Variants in LDAH observed in about 807,000 individuals in gnomAD.
LDAH encodes lipid droplet-associated hydrolase.
Under a neutral mutation model 29.6 loss-of-function variants are expected in LDAH, and 26 were observed. The ratio of observed to expected loss-of-function variants is 0.88; its 90% CI spans 0.64 to 1.22. The LOEUF is 1.22. LDAH is among the 50% of genes most tolerant of loss of function. The pLI, the probability that LDAH is intolerant of heterozygous loss-of-function variation, is 0.00. For missense variants in LDAH, 344 were observed against 387.3 expected, an observed-to-expected ratio of 0.89 and a Z score of 0.94; for synonymous variants, 117 against 133.0, an observed-to-expected ratio of 0.88 and a Z score of 0.83.
At chr2:20,709,901 C>G (rs550502746) in intron 5 of LDAH, among the ~76,000 whole-genome samples, 24 of 152,096 alleles carry the variant, frequency 1.6e-4, no homozygotes, top group Non-Finnish European at 3.4e-4. Flanking sequence ...AAGTCACACT[C>G]CAAGATATCA....
intron 5 of LDAH, among the ~76,000 whole-genome samples, chr2:20,707,622 G>A (rs993940715): frequency 6.6e-6 from 1 of 152,218 alleles, no homozygotes; most frequent in Admixed American, 6.5e-5. Context: ...CTGAATTTCA[G>A]CTAGGTGCAG....
chr2:20,690,249 G>C (rs950287848), intron 6 of LDAH, among the ~76,000 whole-genome samples: 1 of 152,148 alleles, frequency 6.6e-6, no homozygotes, highest in Non-Finnish European at 1.5e-5. Flanking sequence ...AAGTAATTAT[G>C]GGGCACACAC....
intron 1 of LDAH, among the ~76,000 whole-genome samples, chr2:20,805,880 T>C (rs879496768): frequency 9.5e-5 from 14 of 146,706 alleles, no homozygotes; most frequent in Admixed American, 4.6e-4. Context: ...TTAGTATACA[T>C]TAAGTGATTC....
chr2:20,755,956 T>G (rs1057277227), intron 4 of LDAH, among the ~76,000 whole-genome samples: 1 of 152,066 alleles, frequency 6.6e-6, no homozygotes, highest in African/African-American at 2.4e-5. Context: ...CTGTCCAAAT[T>G]ACCCTGTAGT....
intron 4 of LDAH, among the ~76,000 whole-genome samples, chr2:20,741,910 A>G (rs1006790252): frequency 6.6e-6 from 1 of 152,204 alleles, no homozygotes; most frequent in Non-Finnish European, 1.5e-5. Context: ...GCTATTGTGA[A>G]GGGTGTTTCA....
chr2:20,792,028 C>T (rs1318629753), intron 2 of LDAH, among the ~76,000 whole-genome samples: 1 of 151,866 alleles, frequency 6.6e-6, no homozygotes, highest in East Asian at 1.9e-4. Context: ...AATCCCTTCC[C>T]TTTTTCTTTT....
intron 5 of LDAH, among the ~76,000 whole-genome samples, chr2:20,736,699 A>G (rs1043477121): frequency 1.5e-4 from 23 of 152,258 alleles, no homozygotes; most frequent in African/African-American, 4.8e-4. Flanking sequence ...CTGTACCATG[A>G]AGGATGATTC....
intron 5 of LDAH, among the ~76,000 whole-genome samples, chr2:20,712,069 C>T (rs968435360): frequency 6.6e-6 from 1 of 152,232 alleles, no homozygotes; most frequent in East Asian, 1.9e-4. Flanking sequence ...TGAGAACGGA[C>T]AGACTGCCTC....
intron 1 of LDAH, among the ~76,000 whole-genome samples, chr2:20,806,172 A>G (rs1452348930): frequency 3.9e-5 from 6 of 152,222 alleles, no homozygotes; most frequent in Non-Finnish European, 5.9e-5. Context: ...AAAAGAGGTA[A>G]TAAGATGGTT....
At chr2:20,809,430 C>T (rs1044576798) in intron 1 of LDAH, among the ~76,000 whole-genome samples, 4 of 151,866 alleles carry the variant, frequency 2.6e-5, no homozygotes, top group Non-Finnish European at 4.4e-5. Flanking sequence ...AAATTCCATC[C>T]TCCATTAGAA....
rs184097586 is a variant in LDAH at position 20,713,845 on chromosome 2, T to C, written c.704-12193A>G. On this transcript the variant is annotated intron_variant, in intron 5 of 6. Coordinates refer to ENST00000237822, the MANE Select transcript of LDAH (RefSeq NM_021925.4). ...AGAAGAGCTAACTATCCTAAATATA[T>C]ATGCAACCAATACAGGAGCACCTAG... Among the ~76,000 whole-genome samples the C allele has an allele frequency of 2.3e-3, 348 of 152,258 alleles. 2 individuals carry two copies. The highest frequency in any genetic ancestry group is 6.7e-3 in the African/African-American group (278 of 41,528).
intron 1 of LDAH, among the ~76,000 whole-genome samples, chr2:20,815,930 A>G (rs1327306903): frequency 6.6e-6 from 1 of 152,146 alleles, no homozygotes; most frequent in Non-Finnish European, 1.5e-5. Context: ...AGTAAACGTT[A>G]TAACAACATT....
intron 1 of LDAH, among the ~76,000 whole-genome samples, chr2:20,809,103 A>C (rs775750938): frequency 1.3e-5 from 2 of 152,108 alleles, no homozygotes; most frequent in Non-Finnish European, 2.9e-5. Flanking sequence ...GCCATAAAGG[A>C]AAAGACTGCC....
At chr2:20,796,747 G>C (rs1381061888) in intron 2 of LDAH, among the ~76,000 whole-genome samples, 1 of 152,130 alleles carries the variant, frequency 6.6e-6, no homozygotes, top group East Asian at 1.9e-4. Flanking sequence ...CCCAGGAACT[G>C]CATTTTTAAA....
intron 1 of LDAH, among the ~76,000 whole-genome samples, chr2:20,813,706 T>C (rs963287297): frequency 6.6e-6 from 1 of 152,250 alleles, no homozygotes; most frequent in Non-Finnish European, 1.5e-5. Flanking sequence ...AATGGTATCT[T>C]TCCCTCTGCA....
chr2:20,790,265 T>C lies in LDAH; in HGVS notation c.288A>G (p.Thr96=), dbSNP rs1311344677. Reference sequence around the variant, plus strand: ...TTAACAAGGACATACCCTCTGATGTTGTAAGAATCTTCTTGTCTTTGGGAG... The same window carrying C: ...TTAACAAGGACATACCCTCTGATGTCGTAAGAATCTTCTTGTCTTTGGGAG... ...ALAPKDKKIL[T]TSEDSNAQEI... The change falls in exon 3 of 7, where the codon ACA becomes ACG. Residue 96 remains threonine, a synonymous_variant. Coordinates refer to ENST00000237822, the MANE Select transcript of LDAH (RefSeq NM_021925.4). 3 of 1,614,154 alleles carry C rather than the reference T, an allele frequency of 1.9e-6. No homozygotes were observed. The South Asian group carries it at 3.3e-5, about 18-fold the overall frequency.
At chr2:20,822,467 T>A (rs1673393599) in intron 1 of LDAH, among the ~76,000 whole-genome samples, 1 of 152,160 alleles carries the variant, frequency 6.6e-6, no homozygotes, top group African/African-American at 2.4e-5. Context: ...TTGTGTTTGG[T>A]ACACAGGACA....
At chr2:20,776,126 C>G (rs980987716) in intron 3 of LDAH, among the ~76,000 whole-genome samples, 3 of 152,170 alleles carry the variant, frequency 2.0e-5, no homozygotes, top group Non-Finnish European at 4.4e-5. Flanking sequence ...GAATTTCTTG[C>G]TCTCATGACT....
intron 2 of LDAH, among the ~76,000 whole-genome samples, chr2:20,800,472 T>C (rs1671583193): frequency 6.6e-6 from 1 of 152,210 alleles, no homozygotes; most frequent in South Asian, 2.1e-4. Context: ...AGAATAAACA[T>C]GTATGTTCAA....
Sources: gnomAD v4.1 joint callset for allele counts (sites outside exome capture counted in the v4.1 genomes callset) on GRCh38, gnomAD v4.1.1 for gene constraint, MANE v1.5 for transcripts, NCBI Gene and HGNC (gene_info 2026-07-23, HGNC 2026-07-21) for gene names.